The following DCAF6 variants were observed in gnomAD, a reference collection of about 807,000 sequenced individuals.
The protein encoded by DCAF6 is DDB1 and CUL4 associated factor 6.
DCAF6 carries 54 observed loss-of-function variants against 125.1 expected under a neutral mutation model. That is an observed-to-expected ratio of 0.43 (90% CI 0.35 to 0.54). The LOEUF is 0.54. Among genes scored for constraint, DCAF6 ranks in the 20% least tolerant of loss-of-function variants. The probability of loss-of-function intolerance (pLI) is 0.01; values close to 1 mark genes in which losing one functional copy is unlikely to be tolerated. For missense variants in DCAF6, 934 were observed against 1,161.7 expected, an observed-to-expected ratio of 0.80 and a Z score of 2.85; for synonymous variants, 371 against 390.4, an observed-to-expected ratio of 0.95 and a Z score of 0.58.
Position 168,047,610 on chromosome 1 carries a change from CTTAA to C in DCAF6, c.2258+2387_2258+2390del, listed in dbSNP as rs66468162. ...GATAAAATTCTTATCCTTCAAGAAA[CTTAA>C]TTATTTATGAATAAGAGAGAATACC... On this transcript the variant is annotated intron_variant, in intron 16 of 21. Coordinates refer to ENST00000367840, the MANE Select transcript of DCAF6 (RefSeq NM_001198956.2). Among the ~76,000 whole-genome samples the C allele has an allele frequency of 5.8e-3, 885 of 151,878 alleles. 7 individuals carry two copies. Among genetic ancestry groups the C allele is most frequent in the Admixed American group, 8.9e-3 (136 of 15,258 alleles).
chr1:167,902,334 C>T, the DCAF6 span, among the ~76,000 whole-genome samples: 1 of 152,158 alleles, frequency 6.6e-6, no homozygotes, highest in Admixed American at 6.5e-5. Context: ...GGTCTGAAGA[C>T]AGCTGCCCTC....
chr1:167,978,480 G>A (rs933628137), intron 4 of DCAF6, among the ~76,000 whole-genome samples: 1 of 152,114 alleles, frequency 6.6e-6, no homozygotes, highest in African/African-American at 2.4e-5. Context: ...CTCTTCAAAT[G>A]TTTGTTGGTT....
At chr1:168,018,973 G>C (rs1217397856) in intron 11 of DCAF6, among the ~76,000 whole-genome samples, 2 of 152,082 alleles carry the variant, frequency 1.3e-5, no homozygotes, top group Admixed American at 6.5e-5. Flanking sequence ...ACCATGTAAG[G>C]ATGGGTTAAG....
rs923182189 is a variant in DCAF6 at position 167,979,327 on chromosome 1, A to AT, written c.438+4323dup. Reference sequence around the variant, plus strand: ...ATATACACACTTTAATTAGCATAGAATTTTTTTTTTTCAAAACTGATACTC... The same window carrying AT: ...ATATACACACTTTAATTAGCATAGAATTTTTTTTTTTTCAAAACTGATACTC... On this transcript the variant is annotated intron_variant, in intron 4 of 21. Coordinates refer to ENST00000367840, the MANE Select transcript of DCAF6 (RefSeq NM_001198956.2). 3.7e-4 allele frequency among the ~76,000 whole-genome samples: 55 copies of AT among 149,298 alleles called. No homozygotes were observed. In the South Asian group the frequency reaches 4.2e-3, roughly 11 times the overall value.
At chr1:167,889,945 C>G in the DCAF6 span, among the ~76,000 whole-genome samples, 1 of 151,964 alleles carries the variant, frequency 6.6e-6, no homozygotes, top group Non-Finnish European at 1.5e-5. Flanking sequence ...GTTAACATGG[C>G]TGAAAGTTTC....
At chr1:167,966,976 C>G (rs1676508190) in intron 3 of DCAF6, among the ~76,000 whole-genome samples, 1 of 151,996 alleles carries the variant, frequency 6.6e-6, no homozygotes, top group South Asian at 2.1e-4. Flanking sequence ...ATAATTGGTA[C>G]AAGTGACATT....
At chr1:168,069,039 C>G (rs1173433852) in intron 21 of DCAF6, among the ~76,000 whole-genome samples, 1 of 151,938 alleles carries the variant, frequency 6.6e-6, no homozygotes. Flanking sequence ...CATAAATGTC[C>G]CCATACGTTT....
chr1:167,987,604 A>G lies in DCAF6; in HGVS notation c.548A>G (p.Lys183Arg). 6.6e-7 allele frequency: 1 copy of G among 1,515,146 alleles called. No homozygotes were observed. The allele number at this position is 1,515,146 out of a possible 1,614,324, so 93.9% of individuals were successfully genotyped here. The change falls in exon 5 of 22, where the codon AAA (lysine) becomes AGA (arginine). Residue 183 changes from lysine to arginine, a missense_variant. By Grantham distance (26) the Lys-to-Arg change is conservative. Around this residue, in one of 5 missense-constraint regions of DCAF6, gnomAD observed 309 missense variants for 381.2 expected, o/e 0.81. Transcript: ENST00000367840. Reference protein sequence around the residue: ...IKTSCTKEDCKDDILINCRRA... With the variant: ...IKTSCTKEDCRDDILINCRRA... The stretch of plus-strand genomic sequence containing the variant: ...ACTAGCTGCACAAAAGAAGATTGTA[A>G]AGATGTAAGAATTAAATTTTTATAC...
At chr1:167,982,443 G>A (rs1036885139) in intron 4 of DCAF6, among the ~76,000 whole-genome samples, 5 of 151,952 alleles carry the variant, frequency 3.3e-5, no homozygotes, top group African/African-American at 9.7e-5. Context: ...GGGTTTCACC[G>A]CGTCAACCAG....
At chr1:167,874,895 T>C in the DCAF6 span, among the ~76,000 whole-genome samples, 1 of 152,186 alleles carries the variant, frequency 6.6e-6, no homozygotes. Flanking sequence ...TATGATTCCA[T>C]CTGTATCAAT....
intron 12 of DCAF6, among the ~76,000 whole-genome samples, chr1:168,024,893 A>G (rs1571990177): frequency 6.6e-6 from 1 of 151,848 alleles, no homozygotes; most frequent in East Asian, 1.9e-4. Flanking sequence ...GATGACCTGT[A>G]TTACTATAAG....
rs76581670 is a variant in DCAF6, at chr1:168,048,180, A to G, written c.2259-2712A>G. On this transcript the variant is annotated intron_variant, in intron 16 of 21. Transcript: ENST00000367840. ...GTAACAATCATACCATTTGGTTCCT[A>G]GAGTCCAAGGATACATTGCACACAT... Among the ~76,000 whole-genome samples the G allele has an allele frequency of 5.0e-3, 762 of 152,294 alleles. 5 individuals carry two copies. Among genetic ancestry groups the G allele is most frequent in the African/African-American group, 0.017 (715 of 41,566 alleles).
chr1:168,009,068 G>A (rs959603578), intron 10 of DCAF6, among the ~76,000 whole-genome samples: 10 of 146,464 alleles, frequency 6.8e-5, no homozygotes, highest in African/African-American at 1.3e-4. Flanking sequence ...GCGTGATCTC[G>A]GCTCACTGCA....
At chr1:168,014,899 C>T (rs1684754898) in intron 10 of DCAF6, among the ~76,000 whole-genome samples, 1 of 152,150 alleles carries the variant, frequency 6.6e-6, no homozygotes, top group African/African-American at 2.4e-5. Context: ...TATAAAATAA[C>T]CCTTGCCCTG....
intron 2 of DCAF6, 98 bp downstream of exon 2, chr1:167,951,959 T>C: frequency 1.5e-6 from 1 of 688,310 alleles, no homozygotes; most frequent in Non-Finnish European, 2.5e-6. Flanking sequence ...ATTGTGACTA[T>C]AATAAAATGG....
At chr1:167,917,755 CATT>C in the DCAF6 span, 4 of 152,292 alleles carry the variant, frequency 2.6e-5, no homozygotes, top group Admixed American at 2.6e-4. Flanking sequence ...TATGTTAAAA[CATT>C]ATCTCATTAA....
At chr1:167,864,598 G>GGA in the DCAF6 span, among the ~76,000 whole-genome samples, 3 of 150,800 alleles carry the variant, frequency 2.0e-5, no homozygotes, top group East Asian at 1.9e-4. Context: ...AGAGAGAGAG[G>GGA]GAGAGAGAGA....
chr1:167,913,177 A>C, the DCAF6 span, among the ~76,000 whole-genome samples: 1 of 152,182 alleles, frequency 6.6e-6, no homozygotes, highest in Non-Finnish European at 1.5e-5. Context: ...AGAAATGAGG[A>C]TACCTGAGTC....
At position 167,936,879 on chromosome 1, in the gene DCAF6, T is replaced by C. The variant is rs1340020514; in HGVS notation, c.-33T>C. 4.4e-6 allele frequency: 4 copies of C among 916,456 alleles called. No homozygotes were observed. Among genetic ancestry groups the C allele is most frequent in the Non-Finnish European group, 6.8e-6 (4 of 589,748 alleles). 56.8% of individuals were successfully genotyped at this position (916,456 alleles called of 1,614,324 possible). A position where few individuals can be genotyped will look rare whatever the true frequency, so the allele number is the denominator to read the frequency against. On this transcript the variant is annotated 5_prime_UTR_variant, in exon 1 of 22. Coordinates refer to ENST00000367840, the MANE Select transcript of DCAF6 (RefSeq NM_001198956.2). ...CCCCCTCCTCCCCTCCCCCACGCGG[T>C]GGTCTCCCCTCCCACCCGGCTCAGG...
Sources: allele counts gnomAD v4.1 joint callset (sites outside exome capture counted in the v4.1 genomes callset), GRCh38; gene constraint gnomAD v4.1.1; regional missense constraint gnomAD v4.1.1; transcripts MANE v1.5; gene names NCBI Gene and HGNC (gene_info 2026-07-23, HGNC 2026-07-21).